The following DDX21 variants were observed in gnomAD, a reference collection of about 807,000 sequenced individuals.
DDX21 encodes DExD-box helicase 21, also known as nucleolar RNA helicase 2.
A neutral mutation model predicts 90.0 loss-of-function variants in DDX21; 18 were observed. The observed-to-expected ratio is 0.20, with a 90% CI of 0.14 to 0.30. DDX21 has a LOEUF of 0.30. Among genes scored for constraint, DDX21 ranks in the 10% least tolerant of loss-of-function variants. The pLI is 1.00. For missense variants in DDX21, 673 were observed against 944.5 expected (o/e 0.71, Z 3.77); for synonymous variants, 294 against 318.0 (o/e 0.92, Z 0.80).
intron 3 of DDX21, 63 bp downstream of exon 3, chr10:68,962,220 A>G (rs867861284): frequency 1.6e-6 from 2 of 1,286,896 alleles, no homozygotes; most frequent in South Asian, 1.3e-5. Context: ...GCACTCCACT[A>G]TTTTTGTTAA....
rs747312279 is a variant in DDX21 at position 68,959,931 on chromosome 10, T to C, written c.213T>C (p.Ser71=). 2 of 1,610,184 alleles carry C rather than the reference T, an allele frequency of 1.2e-6. No individual in the cohort carries two copies. The highest frequency in any genetic ancestry group is 8.5e-7 in the Non-Finnish European group (1 of 1,179,456). Residue 71 remains serine (S), a synonymous_variant, in exon 2 of 15, where the codon TCT becomes TCC. Coordinates refer to ENST00000354185, the MANE Select transcript of DDX21 (RefSeq NM_004728.4). ...KAEPSEVDMN[S]PKSKKAKKKE... The stretch of plus-strand genomic sequence containing the variant: ...AGCCTTCTGAAGTTGACATGAATTC[T>C]CCTAAATCCAAAAAGGCAAAAAAGA...
chr10:68,981,438 G>GT (rs1253379173), intron 13 of DDX21, 99 bp from the exon 14 acceptor site: 1 of 1,153,162 alleles, frequency 8.7e-7, no homozygotes, highest in Non-Finnish European at 1.3e-6. Flanking sequence ...TTTGCTTTAT[G>GT]TTTTTTGTTT....
chr10:68,973,166 G>A (rs1452260424), intron 9 of DDX21, among the ~76,000 whole-genome samples: 1 of 152,002 alleles, frequency 6.6e-6, no homozygotes, highest in South Asian at 2.1e-4. Context: ...CTGCACTCCA[G>A]CCTGAGTGAC....
rs554928809 is a variant in DDX21, at chr10:68,976,579, A to G, written c.1743-950A>G. Among the ~76,000 whole-genome samples, 7 of 152,162 alleles carry G rather than the reference A, an allele frequency of 4.6e-5. No individual in the cohort carries two copies. In the South Asian group the frequency reaches 1.2e-3, roughly 27 times the overall value. On this transcript the variant is annotated intron_variant, in intron 11 of 14. Coordinates refer to ENST00000354185, the MANE Select transcript of DDX21 (RefSeq NM_004728.4). Reference sequence around the variant, plus strand: ...TGGGATTATAGGCGTGAGCCACCACACCCAGCCTGGAAGAGTGTATTTTAA... The same window carrying G: ...TGGGATTATAGGCGTGAGCCACCACGCCCAGCCTGGAAGAGTGTATTTTAA...
Position 68,977,519 on chromosome 10 carries a change from C to G in DDX21, c.1743-10C>G, listed in dbSNP as rs778321102. On this transcript the variant is annotated splice_polypyrimidine_tract_variant and intron_variant, in intron 11 of 14. Transcript: ENST00000354185. ...AGTATCCTTTCTCCTAACACACTCT[C>G]AAACAACAGGCTTTTGGATTCCGTG... 1.3e-6 allele frequency: 2 copies of G among 1,599,920 alleles called. No individual in the cohort carries two copies. Among genetic ancestry groups the G allele is most frequent in the East Asian group, 2.2e-5 (1 of 44,644 alleles).
chr10:68,971,725 G>A (rs1843030489), intron 8 of DDX21, among the ~76,000 whole-genome samples, 166 bp from the exon 9 acceptor site: 1 of 152,184 alleles, frequency 6.6e-6, no homozygotes, highest in Non-Finnish European at 1.5e-5. Flanking sequence ...TGAGGATTTG[G>A]AAATAATATT....
chr10:68,976,988 T>C (rs1308328835), intron 11 of DDX21, among the ~76,000 whole-genome samples: 1 of 151,954 alleles, frequency 6.6e-6, no homozygotes. Context: ...AAAATGATTG[T>C]GTGTGGCACA....
In DDX21 at chr10:68,969,131, T is replaced by G. The variant is rs1163190506; in HGVS notation, c.1236+10T>G. The G allele has an allele frequency of 1.2e-6, 2 of 1,602,454 alleles. No individual in the cohort carries two copies. Among genetic ancestry groups the G allele is most frequent in the Non-Finnish European group, 1.7e-6 (2 of 1,177,478 alleles). On this transcript the variant is annotated intron_variant, in intron 7 of 14. Transcript: ENST00000354185. ...GGCAATAACTGTGGAGGTAAATTAT[T>G]TACTTAGTTGCCAGAATATAAAATT...
In DDX21 at chr10:68,956,196, A is replaced by G. The variant is rs1421295782; in HGVS notation, c.-30A>G. 18 of 1,611,616 alleles carry G rather than the reference A, an allele frequency of 1.1e-5. No individual in the cohort carries two copies. Among genetic ancestry groups the G allele is most frequent in the Non-Finnish European group, 1.5e-5 (18 of 1,178,618 alleles). On this transcript the variant is annotated 5_prime_UTR_variant, in exon 1 of 15. Coordinates refer to ENST00000354185, the MANE Select transcript of DDX21 (RefSeq NM_004728.4). ...TCTTCCTCTCCACGCGGTTGAGAAG[A>G]CCGGTCGGCCTGGGCAACCTGCGCT...
chr10:68,962,176 T>G lies in DDX21; in HGVS notation c.607+19T>G. 6.5e-7 allele frequency: 1 copy of G among 1,541,966 alleles called. No homozygotes were observed. Among genetic ancestry groups the G allele is most frequent in the East Asian group, 2.3e-5 (1 of 44,418 alleles). On this transcript the variant is annotated intron_variant, in intron 3 of 14. Transcript: ENST00000354185. ...CTCAAAGGTAATGTTCTTGGAAATA[T>G]CGTATGATGTTAGAACGTATTATTT...
rs1843148253 is a variant in DDX21 at position 68,978,986 on chromosome 10, G to A, written c.2037+10G>A. The A allele has an allele frequency of 1.2e-6, 2 of 1,613,884 alleles. No individual in the cohort carries two copies. Among genetic ancestry groups the A allele is most frequent in the African/African-American group, 2.7e-5 (2 of 74,912 alleles). On this transcript the variant is annotated intron_variant, in intron 13 of 14. Coordinates refer to ENST00000354185, the MANE Select transcript of DDX21 (RefSeq NM_004728.4). ...TCTCAAAGGAAAGCTGGTAAGGCTG[G>A]GGTCTCTGTTGTAACCTTGATGGGG...
intron 4 of DDX21, chr10:68,964,120 A>AG (rs1491301474): frequency 2.4e-6 from 1 of 425,134 alleles, no homozygotes; most frequent in African/African-American, 2.1e-5. Context: ...AAAAAAAAAA[A>AG]GAAAAGCATG....
At chr10:68,974,465 C>T (rs1843067693) in intron 10 of DDX21, among the ~76,000 whole-genome samples, 1 of 152,246 alleles carries the variant, frequency 6.6e-6, no homozygotes, top group Non-Finnish European at 1.5e-5. Flanking sequence ...AACAAATATA[C>T]ATTAACAGTG....
chr10:68,966,878 T>C (rs1457442585), intron 5 of DDX21, 140 bp from the exon 6 acceptor site: 7 of 563,206 alleles, frequency 1.2e-5, no homozygotes, highest in Non-Finnish European at 2.0e-5. Flanking sequence ...AGTATCTTTA[T>C]CATTATTACT....
intron 6 of DDX21, among the ~76,000 whole-genome samples, chr10:68,967,509 G>A (rs1842955686): frequency 6.6e-6 from 1 of 151,826 alleles, no homozygotes; most frequent in South Asian, 2.1e-4. Context: ...TAAAGCCTTG[G>A]GAAATTGGAA....
chr10:68,960,016 G>A lies in DDX21; in HGVS notation c.298G>A (p.Glu100Lys). 1.2e-6 allele frequency: 2 copies of A among 1,603,994 alleles called. No homozygotes were observed. The highest frequency in any genetic ancestry group is 1.7e-6 in the Non-Finnish European group (2 of 1,177,950). The change falls in exon 2 of 15, where the codon GAG (glutamate) becomes AAG (lysine). Residue 100 changes from glutamate to lysine, a missense_variant. By Grantham distance (56) the Glu-to-Lys change is moderately conservative. Coordinates refer to ENST00000354185, the MANE Select transcript of DDX21 (RefSeq NM_004728.4). The stretch of plus-strand genomic sequence containing the variant: ...AACCAAAAGTTTGAGAAAGAAAAAG[G>A]AGCCCATTGAAAAGAAAGTGGTTTC... The part of the protein sequence containing the change: ...PKTKSLRKKK[E>K]PIEKKVVSSK...
chr10:68,957,650 ACT>A (rs1011662800), intron 1 of DDX21, among the ~76,000 whole-genome samples: 1 of 152,218 alleles, frequency 6.6e-6, no homozygotes, highest in African/African-American at 2.4e-5. Context: ...ACATGACCAA[ACT>A]CTGTTATATT....
intron 10 of DDX21, 136 bp from the exon 11 acceptor site, chr10:68,974,534 G>T: frequency 1.5e-6 from 1 of 657,456 alleles, no homozygotes; most frequent in Non-Finnish European, 2.6e-6. Flanking sequence ...TAGCTTTTCT[G>T]TAAGTCTAAA....
At chr10:68,971,333 C>T (rs573497374) in intron 8 of DDX21, among the ~76,000 whole-genome samples, 1 of 152,098 alleles carries the variant, frequency 6.6e-6, no homozygotes, top group African/African-American at 2.4e-5. Flanking sequence ...CATCCCATAA[C>T]CTAGGTATTA....
Sources: allele counts gnomAD v4.1 joint callset (sites outside exome capture counted in the v4.1 genomes callset), GRCh38; gene constraint gnomAD v4.1.1; transcripts MANE v1.5; gene names NCBI Gene and HGNC (gene_info 2026-07-23, HGNC 2026-07-21).